PRKAG2: variants seen among roughly 807,000 people sequenced by gnomAD.
PRKAG2 encodes 5'-AMP-activated protein kinase subunit gamma-2.
Under a neutral mutation model 69.6 loss-of-function variants are expected in PRKAG2, and 26 were observed. That is an observed-to-expected ratio of 0.37 (90% confidence interval 0.27 to 0.52). PRKAG2 has a LOEUF of 0.52. Among genes scored for constraint, PRKAG2 ranks in the 20% least tolerant of loss-of-function variants. The pLI, the probability that PRKAG2 is intolerant of heterozygous loss-of-function variation, is 0.90. For missense variants in PRKAG2, 557 were observed against 740.0 expected (o/e 0.75, Z 2.87); for synonymous variants, 293 against 285.0 (o/e 1.03, Z -0.28).
chr7:151,777,151 G>A lies in PRKAG2; in HGVS notation c.466+4001C>T, dbSNP rs1054869721. On this transcript the variant is annotated intron_variant, in intron 3 of 15. Coordinates refer to ENST00000287878, the MANE Select transcript of PRKAG2 (RefSeq NM_016203.4). The surrounding 1 kb of genome is among the most constrained non-coding windows in gnomAD (Gnocchi z 4.3). The stretch of plus-strand genomic sequence containing the variant: ...GAGCTTCCTCCTGTGCAGACCACAG[G>A]CCCCAATGGAAGGGGCCATGGCCAG... Among the ~76,000 whole-genome samples the A allele has an allele frequency of 2.6e-5, 4 of 152,186 alleles. No homozygotes were observed. The highest frequency in any genetic ancestry group is 2.6e-4 in the Admixed American group (4 of 15,290).
chr7:151,559,645 T>C (rs1804483434), intron 15 of PRKAG2: 2 of 985,174 alleles, frequency 2.0e-6, no homozygotes, highest in Non-Finnish European at 1.2e-6. Context: ...TATTTTTGGG[T>C]TACAGACTTA....
intron 5 of PRKAG2, among the ~76,000 whole-genome samples, chr7:151,615,527 C>T (rs1819912252): frequency 2.6e-5 from 4 of 152,216 alleles, no homozygotes; most frequent in Middle Eastern, 3.4e-3. Context: ...GATGAAGATG[C>T]CAAAAGCAAT....
intron 4 of PRKAG2, among the ~76,000 whole-genome samples, chr7:151,642,266 A>C (rs183516235): frequency 7.2e-5 from 11 of 152,072 alleles, no homozygotes; most frequent in Admixed American, 3.3e-4. Context: ...TGGTGTGAAC[A>C]TGGGAAGCAG....
Position 151,874,279 on chromosome 7 carries a change from ATATATG to A in PRKAG2, c.114+2222_114+2227del, listed in dbSNP as rs1238747385. Among the ~76,000 whole-genome samples the A allele has an allele frequency of 1.4e-4, 9 of 63,746 alleles. 2 individuals are homozygous for A. The Admixed American group carries it at 1.8e-3, about 12-fold the overall frequency. The allele number at this position is 63,746 out of a possible 152,430, so 41.8% of individuals were successfully genotyped here. On this transcript the variant is annotated intron_variant, in intron 1 of 15. Transcript: ENST00000287878. ...TGATGTATATGTATATGTATATGAT[ATATATG>A]TATATGTATATGATGTATATGTATA... is the stretch of plus-strand genomic sequence containing the variant.
intron 3 of PRKAG2, among the ~76,000 whole-genome samples, chr7:151,755,756 C>A (rs1283109479): frequency 6.6e-6 from 1 of 152,198 alleles, no homozygotes; most frequent in Admixed American, 6.5e-5. Context: ...TTGTCAACTG[C>A]TGTTTGAAGA....
intron 6 of PRKAG2, among the ~76,000 whole-genome samples, chr7:151,581,449 C>G (rs533711048): frequency 1.0e-3 from 157 of 152,212 alleles, no homozygotes; most frequent in African/African-American, 3.7e-3. Flanking sequence ...CACGTGAGAG[C>G]CAAACAAGAG....
At chr7:151,869,574 G>A (rs78168617) in intron 1 of PRKAG2, among the ~76,000 whole-genome samples, 7,598 of 152,302 alleles carry the variant, frequency 0.05, 256 homozygotes, top group East Asian at 0.14. Flanking sequence ...TGCAGGCTCC[G>A]CACTATTCCC....
At chr7:151,813,269 C>T (rs1363310370) in intron 1 of PRKAG2, among the ~76,000 whole-genome samples, 2 of 152,156 alleles carry the variant, frequency 1.3e-5, no homozygotes, top group African/African-American at 2.4e-5. Context: ...CAATCCGTAA[C>T]GCCATCAACG....
Position 151,729,945 on chromosome 7 carries a change from G to A in PRKAG2, c.466+51207C>T, listed in dbSNP as rs142071143. 3.1e-3 allele frequency among the ~76,000 whole-genome samples: 467 copies of A among 152,266 alleles called. 2 individuals carry two copies. The highest frequency in any genetic ancestry group is 0.01 in the African/African-American group (429 of 41,564). ...GCAGACGCAAAAGGACAAACACTAC[G>A]TGATTCTATTTCTAGGAGGTCCCTG... On this transcript the variant is annotated intron_variant, in intron 3 of 15. Coordinates refer to ENST00000287878, the MANE Select transcript of PRKAG2 (RefSeq NM_016203.4).
chr7:151,698,578 C>T (rs970385340), intron 3 of PRKAG2, among the ~76,000 whole-genome samples: 1 of 152,094 alleles, frequency 6.6e-6, no homozygotes. Context: ...GTCTCTTGCC[C>T]TCTCACCATG....
At chr7:151,841,531 G>C (rs1317581199) in intron 1 of PRKAG2, among the ~76,000 whole-genome samples, 1 of 147,868 alleles carries the variant, frequency 6.8e-6, no homozygotes, top group African/African-American at 2.5e-5. Flanking sequence ...GGGATGGTAG[G>C]GATGGTAGTG....
intron 1 of PRKAG2, among the ~76,000 whole-genome samples, chr7:151,797,455 G>A (rs2077612834): frequency 6.6e-6 from 1 of 152,148 alleles, no homozygotes; most frequent in African/African-American, 2.4e-5. Context: ...CGAGGGCTCA[G>A]AGACCTCATT....
chr7:151,593,348 C>T (rs1319251028), intron 6 of PRKAG2, among the ~76,000 whole-genome samples: 1 of 152,106 alleles, frequency 6.6e-6, no homozygotes, highest in Non-Finnish European at 1.5e-5. Context: ...CTACCACACT[C>T]GGCTAATTTT....
intron 12 of PRKAG2, 89 bp downstream of exon 12, chr7:151,565,631 C>T (rs762004401): frequency 7.7e-4 from 1,168 of 1,521,290 alleles, no homozygotes; most frequent in Non-Finnish European, 1.0e-3. Context: ...TTTCATTTTC[C>T]CCACGTATCT....
chr7:151,671,075 G>A (rs182759442), intron 4 of PRKAG2, among the ~76,000 whole-genome samples: 39 of 150,532 alleles, frequency 2.6e-4, no homozygotes, highest in Non-Finnish European at 4.7e-4. Flanking sequence ...TTGAGAGGCC[G>A]AGGCAGGAGA....
intron 1 of PRKAG2, among the ~76,000 whole-genome samples, chr7:151,812,967 A>G (rs1410756238): frequency 6.6e-6 from 1 of 150,678 alleles, no homozygotes; most frequent in African/African-American, 2.4e-5. Context: ...CACACCTGAG[A>G]TTTATCTAGT....
intron 1 of PRKAG2, among the ~76,000 whole-genome samples, chr7:151,845,363 G>C (rs2079406111): frequency 6.6e-6 from 1 of 152,146 alleles, no homozygotes; most frequent in African/African-American, 2.4e-5. Context: ...GTGGTCCTCA[G>C]AGCGTGGTTC....
chr7:151,610,737 TTC>T (rs1258441185), intron 5 of PRKAG2, among the ~76,000 whole-genome samples: 3 of 89,432 alleles, frequency 3.4e-5, no homozygotes, highest in East Asian at 7.2e-4. Flanking sequence ...ATTTTTTCTT[TTC>T]TTTTTTTTTT....
intron 1 of PRKAG2, among the ~76,000 whole-genome samples, chr7:151,865,497 T>G (rs924888109): frequency 3.3e-4 from 51 of 152,248 alleles, no homozygotes; most frequent in African/African-American, 9.6e-4. Context: ...AGGTTAAGCC[T>G]TGTGAGGGGA....
Sources: gnomAD v4.1 joint callset for allele counts (sites outside exome capture counted in the v4.1 genomes callset) on GRCh38, gnomAD v4.1.1 for gene constraint, Gnocchi (gnomAD v3.1) non-coding constraint, MANE v1.5 for transcripts, NCBI Gene and HGNC (gene_info 2026-07-23, HGNC 2026-07-21) for gene names.